Variants in PTGER4 observed in about 807,000 individuals in gnomAD.
PTGER4 encodes the protein prostaglandin E receptor 4.
PTGER4 carries 11 observed loss-of-function variants against 33.2 expected under a neutral mutation model. That is an observed-to-expected ratio of 0.33 (90% CI 0.21 to 0.55). PTGER4 has a LOEUF of 0.55. Among genes scored for constraint, PTGER4 ranks in the 20% least tolerant of loss-of-function variants. The pLI is 0.92. For missense variants in PTGER4, 481 were observed against 650.2 expected (o/e 0.74, Z 2.83); for synonymous variants, 275 against 281.5 (o/e 0.98, Z 0.23).
chr5:40,739,581 C>G, the PTGER4 span, among the ~76,000 whole-genome samples: 1 of 152,170 alleles, frequency 6.6e-6, no homozygotes, highest in East Asian at 1.9e-4. Flanking sequence ...CCCACACTCT[C>G]TCTTCCTCCT....
chr5:40,693,339 T>G lies in PTGER4; in HGVS notation c.*961T>G. The G allele has an allele frequency of 1.0e-6, 1 of 982,194 alleles. No homozygotes were observed. The highest frequency in any genetic ancestry group is 1.2e-6 in the Non-Finnish European group (1 of 826,690). The allele number at this position is 982,194 out of a possible 1,614,324, so 60.8% of individuals were successfully genotyped here. A position where few individuals can be genotyped will look rare whatever the true frequency, so the allele number is the denominator to read the frequency against. On this transcript the variant is annotated 3_prime_UTR_variant, in exon 3 of 3. Coordinates refer to ENST00000302472, the MANE Select transcript of PTGER4 (RefSeq NM_000958.3). ...AAAAAATTTTAAAAATCTAAGCAGC[T>G]TATTGTTTCTCTGAAAGTGTGTGTA...
At chr5:40,723,366 C>T in the PTGER4 span, among the ~76,000 whole-genome samples, 3 of 151,758 alleles carry the variant, frequency 2.0e-5, no homozygotes, top group African/African-American at 7.3e-5. Context: ...GCTGACCTTC[C>T]CTCCACTATT....
chr5:40,694,243 T>C (rs1350857755), downstream of PTGER4, among the ~76,000 whole-genome samples: 1 of 152,074 alleles, frequency 6.6e-6, no homozygotes, highest in Non-Finnish European at 1.5e-5. Context: ...GAGAGACATG[T>C]CATGCCATGT....
the PTGER4 span, among the ~76,000 whole-genome samples, chr5:40,726,843 AGTATT>A: frequency 6.6e-6 from 1 of 152,120 alleles, no homozygotes; most frequent in Admixed American, 6.6e-5. Context: ...GCAAGGAAAA[AGTATT>A]ATATGATAGG....
At chr5:40,724,412 A>T in the PTGER4 span, among the ~76,000 whole-genome samples, 2 of 152,156 alleles carry the variant, frequency 1.3e-5, no homozygotes, top group African/African-American at 4.8e-5. Context: ...AGGCAGGAGG[A>T]TCATGAGGTC....
At chr5:40,697,096 GA>G (rs11337737), downstream of PTGER4, among the ~76,000 whole-genome samples, 199 of 42,120 alleles carry the variant, frequency 4.7e-3, 1 homozygote, top group African/African-American at 8.9e-3. Context: ...GAAAGAAAGA[GA>G]AAAGAAAGAA....
At chr5:40,722,831 C>G in the PTGER4 span, among the ~76,000 whole-genome samples, 1 of 151,092 alleles carries the variant, frequency 6.6e-6, no homozygotes, top group South Asian at 2.1e-4. Flanking sequence ...GCGCAGCCCC[C>G]ACCCGGCCAG....
chr5:40,745,616 T>C, the PTGER4 span, among the ~76,000 whole-genome samples: 14 of 151,790 alleles, frequency 9.2e-5, no homozygotes, highest in Non-Finnish European at 1.9e-4. Flanking sequence ...CCTCAACCAC[T>C]GGGCTCAAGC....
At chr5:40,696,167 T>A (rs1474777290), downstream of PTGER4, among the ~76,000 whole-genome samples, 1 of 152,200 alleles carries the variant, frequency 6.6e-6, no homozygotes, top group African/African-American at 2.4e-5. Flanking sequence ...CTCCACAAGT[T>A]TTCTCCTAGG....
chr5:40,695,699 A>G (rs928746880), downstream of PTGER4, among the ~76,000 whole-genome samples: 7 of 152,210 alleles, frequency 4.6e-5, no homozygotes, highest in African/African-American at 1.7e-4. Flanking sequence ...CGACAGAGGG[A>G]GACTCCGTCG....
the PTGER4 span, among the ~76,000 whole-genome samples, chr5:40,724,021 C>T: frequency 4.6e-5 from 7 of 152,190 alleles, no homozygotes. Context: ...AAAGCTATCT[C>T]ATTTCTGGAT....
In PTGER4 at chr5:40,681,005, C is replaced by T. The variant is rs1237447833; in HGVS notation, c.12C>T (p.Pro4=). The T allele has an allele frequency of 4.3e-6, 7 of 1,611,586 alleles. No individual in the cohort carries two copies. Among genetic ancestry groups the T allele is most frequent in the Non-Finnish European group, 5.1e-6 (6 of 1,178,800 alleles). MST[P]GVNSSASLSP... ...CGCCAGCCACTATCATGTCCACTCCCGGGGTCAATTCGTCCGCCTCCTTGA... is the reference window on the plus strand; with the variant it reads ...CGCCAGCCACTATCATGTCCACTCCTGGGGTCAATTCGTCCGCCTCCTTGA... Residue 4 remains proline, a synonymous_variant, in exon 2 of 3, where the codon CCC becomes CCT. Transcript: ENST00000302472. This position sits in a 1 kb window ranked among gnomAD's most constrained non-coding sequence, Gnocchi z 9.8.
the PTGER4 span, among the ~76,000 whole-genome samples, chr5:40,721,528 T>C: frequency 1.3e-5 from 2 of 152,098 alleles, no homozygotes; most frequent in African/African-American, 4.8e-5. Context: ...CTTCAACAAA[T>C]GATGCTGGGA....
At chr5:40,727,081 T>G in the PTGER4 span, among the ~76,000 whole-genome samples, 51 of 152,318 alleles carry the variant, frequency 3.3e-4, 1 homozygote, top group Middle Eastern at 3.4e-3. Context: ...AATTCCTTAC[T>G]ATTTCTGAGA....
chr5:40,716,176 G>A, the PTGER4 span: 1 of 1,611,160 alleles, frequency 6.2e-7, no homozygotes, highest in Non-Finnish European at 8.5e-7. Context: ...AGAGCCATCT[G>A]GTGGTGTAGC....
At chr5:40,731,840 T>C in the PTGER4 span, among the ~76,000 whole-genome samples, 1 of 152,178 alleles carries the variant, frequency 6.6e-6, no homozygotes, top group South Asian at 2.1e-4. Flanking sequence ...GAAGACCTCC[T>C]CCAGTGGCTC....
chr5:40,693,095 CA>C lies in PTGER4; in HGVS notation c.*718del, dbSNP rs1228913137. On this transcript the variant is annotated 3_prime_UTR_variant, in exon 3 of 3. Transcript: ENST00000302472. The stretch of plus-strand genomic sequence containing the variant: ...AATACTATTTAAGATGTGAAAATTA[CA>C]GTCCAAAATACTGTTCTTTCCAGGC... The C allele has an allele frequency of 1.1e-6, 1 of 938,488 alleles. No homozygotes were observed. The highest frequency in any genetic ancestry group is 1.2e-4 in the East Asian group (1 of 8,614). 58.1% of individuals were successfully genotyped at this position (938,488 alleles called of 1,614,324 possible). A position where few individuals can be genotyped will look rare whatever the true frequency, so the allele number is the denominator to read the frequency against.
the PTGER4 span, among the ~76,000 whole-genome samples, chr5:40,746,185 C>A: frequency 6.7e-6 from 1 of 149,856 alleles, no homozygotes. Context: ...TCTTAAAAAT[C>A]TAAGCAGAAA....
Position 40,692,371 on chromosome 5 carries a change from G to T in PTGER4, c.1460G>T (p.Cys487Phe). 1 of 1,584,912 alleles carries T rather than the reference G, an allele frequency of 6.3e-7. No homozygotes were observed. The highest frequency in any genetic ancestry group is 8.6e-7 in the Non-Finnish European group (1 of 1,164,288). ...PSETLNLSEK[C>F]I ...GAAACACTGAACTTATCAGAAAAAT[G>T]TATATAATAGGCAAGGAAAGAAATA... The change falls in exon 3 of 3, where the codon TGT (cysteine) becomes TTT (phenylalanine). Residue 487 changes from cysteine to phenylalanine, a missense_variant. Physicochemically the swap from Cys to Phe is radical, Grantham distance 205. Transcript: ENST00000302472.
Sources: allele counts gnomAD v4.1 joint callset (sites outside exome capture counted in the v4.1 genomes callset), GRCh38; gene constraint gnomAD v4.1.1; non-coding constraint Gnocchi (gnomAD v3.1); transcripts MANE v1.5; gene names NCBI Gene and HGNC (gene_info 2026-07-23, HGNC 2026-07-21).